The following PCDHA9 variants were observed in gnomAD, a reference collection of about 807,000 sequenced individuals.
PCDHA9 encodes the protein protocadherin alpha 9.
In PCDHA9, 62 loss-of-function variants were observed where a neutral mutation model predicts 62.0. The ratio of observed to expected loss-of-function variants is 1.00; its 90% CI spans 0.81 to 1.23. PCDHA9 has a LOEUF of 1.23. Ranked by LOEUF, PCDHA9 falls within the 50% of genes most tolerant of loss-of-function variation. The pLI is 0.00. For synonymous variants in PCDHA9, 557 were observed against 567.6 expected, an observed-to-expected ratio of 0.98 and a Z score of 0.27; for missense variants, 1,205 against 1,249.8, an observed-to-expected ratio of 0.96 and a Z score of 0.54.
chr5:140,990,838 A>C (rs2097419271), intron 3 of PCDHA9, among the ~76,000 whole-genome samples: 1 of 152,222 alleles, frequency 6.6e-6, no homozygotes, highest in Admixed American at 6.5e-5. Flanking sequence ...CCTATTAGCA[A>C]AAATAGAGCC....
chr5:140,901,690 T>C (rs566618023), intron 1 of PCDHA9, among the ~76,000 whole-genome samples: 22 of 152,340 alleles, frequency 1.4e-4, no homozygotes, highest in African/African-American at 5.3e-4. Flanking sequence ...ATGGGTATTT[T>C]GTAGTTCTAT....
At chr5:140,926,879 C>T (rs1554203752) in intron 1 of PCDHA9, 1 of 1,534,362 alleles carries the variant, frequency 6.5e-7, no homozygotes, top group African/African-American at 1.4e-5. Context: ...GGAACGTGGA[C>T]GCCTAGAGGG....
At chr5:141,004,508 G>A (rs1554259596) in intron 3 of PCDHA9, among the ~76,000 whole-genome samples, 1 of 152,200 alleles carries the variant, frequency 6.6e-6, no homozygotes. Flanking sequence ...GCTGTGAGGG[G>A]CTCCCTCTGC....
chr5:140,974,309 TGA>T (rs1190034770), intron 1 of PCDHA9, among the ~76,000 whole-genome samples: 4 of 152,212 alleles, frequency 2.6e-5, no homozygotes, highest in South Asian at 4.1e-4. Context: ...CAACTGTGAG[TGA>T]GAGAGTAGCT....
At chr5:140,858,863 A>T (rs1042514918) in intron 1 of PCDHA9, 3 of 258,704 alleles carry the variant, frequency 1.2e-5, no homozygotes, top group Admixed American at 5.3e-5. Context: ...CTCTTCAGTG[A>T]AAATGTGTTT....
chr5:140,982,475 C>T lies in PCDHA9; in HGVS notation c.2454C>T (p.Ser818=). The change falls in exon 3 of 4, where the codon AGC becomes AGT. Residue 818 remains serine, a splice_region_variant and synonymous_variant. Coordinates refer to ENST00000532602, the MANE Select transcript of PCDHA9 (RefSeq NM_031857.2). ...TATCTGGGTCTGTGTGTTTATTCAG[C>T]TCTGTGCACCTAGAGGAGGCTGGCA... The part of the protein sequence containing the change: ...YSASLRAGMH[S]SVHLEEAGIL... 1 of 1,614,154 alleles carries T rather than the reference C, an allele frequency of 6.2e-7. No homozygotes were observed. Among genetic ancestry groups the T allele is most frequent in the African/African-American group, 1.3e-5 (1 of 75,040 alleles).
In PCDHA9 at chr5:140,849,965, G is replaced by A. The variant is rs782084624; in HGVS notation, c.1470G>A (p.Val490=). Reference sequence around the variant, plus strand: ...CTGACGCGCAGGAGAACGCCCTGGTGTCCTACTCGCTGGTGGAGCGGCGGT... The same window carrying A: ...CTGACGCGCAGGAGAACGCCCTGGTATCCTACTCGCTGGTGGAGCGGCGGT... ...RDADAQENAL[V]SYSLVERRLG... is the part of the protein sequence containing the mutation. Residue 490 remains valine (V), a synonymous_variant, in exon 1 of 4, where the codon GTG becomes GTA. Coordinates refer to ENST00000532602, the MANE Select transcript of PCDHA9 (RefSeq NM_031857.2). The A allele has an allele frequency of 1.0e-5, 16 of 1,597,766 alleles. 2 individuals are homozygous for A. Among genetic ancestry groups the A allele is most frequent in the Non-Finnish European group, 1.3e-5 (15 of 1,167,924 alleles).
At position 140,850,585 on chromosome 5, in the gene PCDHA9, A is replaced by G. The variant is rs1253890726; in HGVS notation, c.2090A>G (p.Asn697Ser). Residue 697 changes from asparagine to serine, a missense_variant, in exon 1 of 4, where the codon AAC (asparagine) becomes AGC (serine). Physicochemically the swap from Asn to Ser is conservative, Grantham distance 46. Transcript: ENST00000532602. The stretch of plus-strand genomic sequence containing the variant: ...CCCGAGGTGACGCTGGTGGATGTCA[A>G]CGTGTACCTGATCATCGCCATCTGC... Reference protein sequence around the residue: ...TGPEVTLVDVNVYLIIAICAV... With the variant: ...TGPEVTLVDVSVYLIIAICAV... The G allele has an allele frequency of 6.3e-7, 1 of 1,598,426 alleles. No homozygotes were observed.
rs2045496791 is a variant in PCDHA9 at position 140,858,579 on chromosome 5, T to C, written c.2394+7690T>C. 3 of 1,349,862 alleles carry C rather than the reference T, an allele frequency of 2.2e-6. No individual in the cohort carries two copies. In the East Asian group the frequency reaches 7.4e-5, roughly 33 times the overall value. The allele number at this position is 1,349,862 out of a possible 1,614,324, so 83.6% of individuals were successfully genotyped here. On this transcript the variant is annotated intron_variant, in intron 1 of 3. Transcript: ENST00000532602. Reference sequence around the variant, plus strand: ...AATATTTCTAGTGATACCTTTGTAATATAATTTATTCCAGGAGTTTTAAAA... The same window carrying C: ...AATATTTCTAGTGATACCTTTGTAACATAATTTATTCCAGGAGTTTTAAAA...
chr5:140,917,152 G>A (rs1407958115), intron 1 of PCDHA9, among the ~76,000 whole-genome samples: 1 of 152,012 alleles, frequency 6.6e-6, no homozygotes, highest in Admixed American at 6.6e-5. Context: ...GCTGCTGGGG[G>A]ATATGGGAGG....
At chr5:140,921,981 A>G (rs2080540156) in intron 1 of PCDHA9, among the ~76,000 whole-genome samples, 1 of 152,092 alleles carries the variant, frequency 6.6e-6, no homozygotes, top group Non-Finnish European at 1.5e-5. Flanking sequence ...AAATAGAACT[A>G]AAAAAGAGTT....
chr5:141,001,159 G>A (rs1332533329), intron 3 of PCDHA9, among the ~76,000 whole-genome samples: 2 of 152,076 alleles, frequency 1.3e-5, no homozygotes, highest in Non-Finnish European at 2.9e-5. Context: ...ATCTTAATAA[G>A]TAAAATTTAA....
chr5:140,868,980 G>T (rs2050777662), intron 1 of PCDHA9: 5 of 1,489,988 alleles, frequency 3.4e-6, no homozygotes, highest in South Asian at 1.4e-5. Context: ...CCATCATACC[G>T]GATGCCACCG....
At chr5:140,945,437 A>T (rs2093790061) in intron 1 of PCDHA9, among the ~76,000 whole-genome samples, 1 of 152,192 alleles carries the variant, frequency 6.6e-6, no homozygotes, top group South Asian at 2.1e-4. Context: ...TTTTACAGAA[A>T]TATAAAAAAC....
chr5:140,852,688 T>G, intron 1 of PCDHA9: 1 of 971,908 alleles, frequency 1.0e-6, no homozygotes, highest in Non-Finnish European at 1.2e-6. Flanking sequence ...GAATATAGTC[T>G]TATACTTTCA....
rs549880473 is a variant in PCDHA9, at chr5:140,972,926, T to C, written c.2395-6023T>C. Among the ~76,000 whole-genome samples the C allele has an allele frequency of 9.2e-5, 14 of 152,264 alleles. No individual in the cohort carries two copies. The East Asian group carries it at 2.7e-3, about 29-fold the overall frequency. On this transcript the variant is annotated intron_variant, in intron 1 of 3. Coordinates refer to ENST00000532602, the MANE Select transcript of PCDHA9 (RefSeq NM_031857.2). ...ATCCACCCGCCTTGGCCTCCCAAAG[T>C]GCTGGGATTACAGATGTGAGCCACC...
chr5:140,882,997 C>T, intron 1 of PCDHA9: 1 of 1,614,062 alleles, frequency 6.2e-7, no homozygotes, highest in East Asian at 2.2e-5. Context: ...CGGAATTTTA[C>T]CAATCCGTTT....
chr5:140,913,055 T>G (rs1554195719), intron 1 of PCDHA9, among the ~76,000 whole-genome samples: 2 of 152,184 alleles, frequency 1.3e-5, no homozygotes, highest in African/African-American at 4.8e-5. Context: ...GAGTTTTATT[T>G]TATTTTGATG....
chr5:140,920,403 T>A (rs1440027208), intron 1 of PCDHA9, among the ~76,000 whole-genome samples: 3 of 152,356 alleles, frequency 2.0e-5, no homozygotes, highest in South Asian at 2.1e-4. Context: ...TGTCTTTTTT[T>A]AATCAGATAC....
Sources: gnomAD v4.1 joint callset for allele counts (sites outside exome capture counted in the v4.1 genomes callset) on GRCh38, gnomAD v4.1.1 for gene constraint, MANE v1.5 for transcripts, NCBI Gene and HGNC (gene_info 2026-07-23, HGNC 2026-07-21) for gene names.